Variants in MIOS observed in about 807,000 individuals in gnomAD.
MIOS encodes the protein GATOR2 complex protein MIOS.
Under a neutral mutation model 96.9 loss-of-function variants are expected in MIOS, and 52 were observed. The ratio of observed to expected loss-of-function variants is 0.54; its 90% CI spans 0.43 to 0.68. The LOEUF (loss-of-function observed/expected upper bound fraction) is 0.68. MIOS is among the 30% of genes least tolerant of loss of function. The pLI is 0.00. For synonymous variants in MIOS, 397 were observed against 359.5 expected (o/e 1.10, Z -1.18); for missense variants, 1,005 against 1,052.8 (o/e 0.95, Z 0.63).
intron 9 of MIOS, among the ~76,000 whole-genome samples, chr7:7,594,218 G>C (rs1157519179): frequency 6.6e-6 from 1 of 152,014 alleles, no homozygotes; most frequent in East Asian, 1.9e-4. Flanking sequence ...ATATATAAAA[G>C]CAGCATCTCA....
chr7:7,573,159 G>C lies in MIOS; in HGVS notation c.684G>C (p.Gln228His), dbSNP rs1377934776. The change falls in exon 4 of 13, where the codon CAG (glutamine) becomes CAC (histidine). Residue 228 changes from glutamine to histidine, a missense_variant. By Grantham distance (24) the Gln-to-His change is conservative. Coordinates refer to ENST00000340080, the MANE Select transcript of MIOS (RefSeq NM_019005.4). The surrounding 1 kb of genome is among the most constrained non-coding windows in gnomAD (Gnocchi z 5.0). ...TGTTCGTAAATACAAAAGCTGTTCA[G>C]GGTGTGACGGTAGACCCATATTTCC... ...QKMFVNTKAV[Q>H]GVTVDPYFHD... 1 of 1,614,096 alleles carries C rather than the reference G, an allele frequency of 6.2e-7. No homozygotes were observed. The highest frequency in any genetic ancestry group is 8.5e-7 in the Non-Finnish European group (1 of 1,179,980).
Position 7,573,954 on chromosome 7 carries a change from G to A in MIOS, c.1295-144G>A. On this transcript the variant is annotated intron_variant, in intron 4 of 12. Transcript: ENST00000340080. The surrounding 1 kb of genome is among the most constrained non-coding windows in gnomAD (Gnocchi z 5.0). The stretch of plus-strand genomic sequence containing the variant: ...GAAATACTGCTTTGTAGATTGTGTA[G>A]GAGGAAGAAAAGTGTATCTCTGCAA... 1.1e-6 allele frequency: 1 copy of A among 881,074 alleles called. No individual in the cohort carries two copies. The highest frequency in any genetic ancestry group is 1.7e-6 in the Non-Finnish European group (1 of 590,636). The allele number at this position is 881,074 out of a possible 1,614,324, so 54.6% of individuals were successfully genotyped here. A position where few individuals can be genotyped will look rare whatever the true frequency, so the allele number is the denominator to read the frequency against.
chr7:7,605,930 A>G lies in MIOS; in HGVS notation c.2402-12A>G, dbSNP rs1784518214. On this transcript the variant is annotated splice_polypyrimidine_tract_variant and intron_variant, in intron 11 of 12. Coordinates refer to ENST00000340080, the MANE Select transcript of MIOS (RefSeq NM_019005.4). ...TGATATAGTTAATGAAGATCATTTT[A>G]TTTTGTCATAGGAGGAACCAAATCA... 2 of 1,609,954 alleles carry G rather than the reference A, an allele frequency of 1.2e-6. No individual in the cohort carries two copies. Among genetic ancestry groups the G allele is most frequent in the Middle Eastern group, 1.7e-4 (1 of 6,046 alleles).
intron 12 of MIOS, among the ~76,000 whole-genome samples, 176 bp from the exon 13 acceptor site, chr7:7,606,820 G>A (rs564073568): frequency 3.3e-5 from 5 of 152,234 alleles, no homozygotes; most frequent in East Asian, 1.9e-4. Flanking sequence ...GCACAGTGGT[G>A]CACACCTGTA....
intron 6 of MIOS, 55 bp from the exon 7 acceptor site, chr7:7,585,581 G>A (rs1783863454): frequency 1.4e-6 from 2 of 1,438,254 alleles, no homozygotes; most frequent in African/African-American, 2.9e-5. Context: ...AAGAAATGTA[G>A]AAGAGATATT....
At position 7,573,532 on chromosome 7, in the gene MIOS, T is replaced by A. The variant is rs938527678; in HGVS notation, c.1057T>A (p.Phe353Ile). ...PNRTMSDFTV[F>I]ERISLAWSPI... ...CCGAACAATGTCAGACTTCACTGTT[T>A]TTGAAAGGATATCTCTTGCCTGGAG... The change falls in exon 4 of 13, where the codon TTT becomes ATT. Residue 353 changes from phenylalanine to isoleucine, a missense_variant. Phe to Ile is a conservative substitution (Grantham distance 21). This residue lies in a region of MIOS where 865 missense variants were observed against 887.9 expected (regional missense o/e 0.97). Transcript: ENST00000340080. This position sits in a 1 kb window ranked among gnomAD's most constrained non-coding sequence, Gnocchi z 5.0. The A allele has an allele frequency of 3.1e-6, 5 of 1,614,020 alleles. No homozygotes were observed. Among genetic ancestry groups the A allele is most frequent in the Non-Finnish European group, 4.2e-6 (5 of 1,179,972 alleles).
intron 6 of MIOS, among the ~76,000 whole-genome samples, chr7:7,584,935 C>T (rs1783838693): frequency 6.6e-6 from 1 of 152,096 alleles, no homozygotes; most frequent in African/African-American, 2.4e-5. Context: ...GGTCTAAATG[C>T]AGTTCTGTGG....
chr7:7,587,506 G>A (rs771239894), intron 7 of MIOS, among the ~76,000 whole-genome samples: 1 of 152,064 alleles, frequency 6.6e-6, no homozygotes, highest in Non-Finnish European at 1.5e-5. Context: ...TTGGGAAGTC[G>A]GAAAATACAG....
intron 5 of MIOS, among the ~76,000 whole-genome samples, chr7:7,581,295 TC>T (rs1158573018): frequency 6.6e-6 from 1 of 151,886 alleles, no homozygotes; most frequent in Non-Finnish European, 1.5e-5. Flanking sequence ...AGAGCAAGAC[TC>T]CATCTCAAAA....
Position 7,572,442 on chromosome 7 carries a change from G to C in MIOS, c.-34G>C. ...TATTTTTAAACATTTTCAGTGAATG[G>C]ACCTGAGTGGACCCTTTGATCACAT... On this transcript the variant is annotated 5_prime_UTR_variant, in exon 4 of 13. Transcript: ENST00000340080. The surrounding 1 kb of genome is among the most constrained non-coding windows in gnomAD (Gnocchi z 4.8). The C allele has an allele frequency of 6.7e-7, 1 of 1,502,592 alleles. No individual in the cohort carries two copies. Among genetic ancestry groups the C allele is most frequent in the South Asian group, 1.2e-5 (1 of 82,332 alleles). 93.1% of individuals were successfully genotyped at this position (1,502,592 alleles called of 1,614,324 possible).
At chr7:7,605,860 C>G in intron 11 of MIOS, 82 bp from the exon 12 acceptor site, 1 of 1,353,334 alleles carries the variant, frequency 7.4e-7, no homozygotes, top group Non-Finnish European at 1.0e-6. Context: ...ATTTGGAACA[C>G]AGTTTTAGAA....
At position 7,572,772 on chromosome 7, in the gene MIOS, G is replaced by T. The variant is rs1314579725; in HGVS notation, c.297G>T (p.Lys99Asn). The change falls in exon 4 of 13, where the codon AAG becomes AAT. Residue 99 changes from lysine to asparagine, a missense_variant. Physicochemically the swap from Lys to Asn is moderately conservative, Grantham distance 94. This residue lies in a region of MIOS where 137 missense variants were observed against 148.6 expected (regional missense o/e 0.92). Transcript: ENST00000340080. This position sits in a 1 kb window ranked among gnomAD's most constrained non-coding sequence, Gnocchi z 4.8. ...LTSLGQDHNS[K>N]FKDLIGKEFV... ...GCCTTGGTCAAGATCATAACTCAAA[G>T]TTCAAAGATTTGATAGGAAAAGAGT... 2.5e-6 allele frequency: 4 copies of T among 1,613,988 alleles called. 1 individual carries two copies. In the South Asian group the frequency reaches 4.4e-5, roughly 18 times the overall value.
intron 12 of MIOS, 43 bp downstream of exon 12, chr7:7,606,114 G>A (rs766463535): frequency 1.4e-5 from 22 of 1,597,622 alleles, no homozygotes; most frequent in Non-Finnish European, 1.7e-6. Context: ...GAGTTATGGG[G>A]GATAACACAG....
intron 3 of MIOS, among the ~76,000 whole-genome samples, chr7:7,571,695 C>T (rs938899126): frequency 1.3e-5 from 2 of 151,628 alleles, no homozygotes; most frequent in Non-Finnish European, 2.9e-5. Flanking sequence ...GTTCCCCACA[C>T]ACAATGACTT....
chr7:7,596,833 A>G (rs1784216289), intron 11 of MIOS, among the ~76,000 whole-genome samples: 1 of 152,224 alleles, frequency 6.6e-6, no homozygotes, highest in African/African-American at 2.4e-5. Context: ...TGTATTTCTA[A>G]GGATCTTTTG....
intron 10 of MIOS, among the ~76,000 whole-genome samples, chr7:7,595,621 A>G (rs1784182124): frequency 1.3e-5 from 2 of 152,156 alleles, no homozygotes; most frequent in Non-Finnish European, 2.9e-5. Context: ...GATATTAAAT[A>G]TTATGTTATC....
chr7:7,603,789 A>G (rs1784446583), intron 11 of MIOS, among the ~76,000 whole-genome samples: 3 of 152,142 alleles, frequency 2.0e-5, no homozygotes, highest in East Asian at 1.9e-4. Flanking sequence ...ACTATTCACA[A>G]TAGCAAAGAC....
chr7:7,569,244 T>C (rs1783262318), intron 3 of MIOS, among the ~76,000 whole-genome samples: 1 of 152,214 alleles, frequency 6.6e-6, no homozygotes, highest in Non-Finnish European at 1.5e-5. Context: ...GGTGCCCCTC[T>C]TCCTCCTCAT....
At chr7:7,591,749 T>G (rs892570163) in intron 9 of MIOS, among the ~76,000 whole-genome samples, 1 of 152,216 alleles carries the variant, frequency 6.6e-6, no homozygotes, top group Non-Finnish European at 1.5e-5. Flanking sequence ...TGGTTCATTT[T>G]ATCCTGTTTG....
Sources: gnomAD v4.1 joint callset for allele counts (sites outside exome capture counted in the v4.1 genomes callset) on GRCh38, gnomAD v4.1.1 for gene constraint, gnomAD v4.1.1 regional missense constraint, Gnocchi (gnomAD v3.1) non-coding constraint, MANE v1.5 for transcripts, NCBI Gene and HGNC (gene_info 2026-07-23, HGNC 2026-07-21) for gene names.